MTF1: variants seen among roughly 807,000 people sequenced by gnomAD.
MTF1 encodes MRE-binding transcription factor.
Under a neutral mutation model 70.4 loss-of-function variants are expected in MTF1, and 22 were observed. That is an observed-to-expected ratio of 0.31 (90% CI 0.22 to 0.45). The LOEUF is 0.45. MTF1 is among the 20% of genes least tolerant of loss of function. MTF1 has a pLI of 1.00. For synonymous variants in MTF1, 333 were observed against 352.8 expected (o/e 0.94, Z 0.63); for missense variants, 649 against 922.0 (o/e 0.70, Z 3.83).
chr1:37,834,581 G>C, intron 6 of MTF1: 1 of 454,706 alleles, frequency 2.2e-6, no homozygotes, highest in Non-Finnish European at 4.4e-6. Context: ...ATGTAGGACA[G>C]TCTATTGTGG....
chr1:37,844,620 A>T (rs1641306505), intron 2 of MTF1, among the ~76,000 whole-genome samples: 2 of 152,256 alleles, frequency 1.3e-5, no homozygotes, highest in Admixed American at 1.3e-4. Flanking sequence ...AGGAGTCTGC[A>T]TGTATCAATC....
In MTF1 at chr1:37,810,966, G is replaced by C. The variant is rs1640720014; in HGVS notation, c.*4170C>G. 1 of 152,624 alleles carries C rather than the reference G, an allele frequency of 6.6e-6. No homozygotes were observed. The highest frequency in any genetic ancestry group is 1.5e-5 in the Non-Finnish European group (1 of 68,048). The allele number at this position is 152,624 out of a possible 1,614,324, so 9.5% of individuals were successfully genotyped here. A position where few individuals can be genotyped will look rare whatever the true frequency, so the allele number is the denominator to read the frequency against. ...CCCAAACATATTTCTGATTGGTGGTGTAAGACAATTGTAAACTCTTGAGAA... is the reference window on the plus strand; with the variant it reads ...CCCAAACATATTTCTGATTGGTGGTCTAAGACAATTGTAAACTCTTGAGAA... On this transcript the variant is annotated 3_prime_UTR_variant, in exon 11 of 11. Transcript: ENST00000373036.
intron 9 of MTF1, among the ~76,000 whole-genome samples, chr1:37,818,423 G>A (rs1640852984): frequency 6.6e-6 from 1 of 152,202 alleles, no homozygotes; most frequent in Admixed American, 6.5e-5. Flanking sequence ...TCTTAAAAAA[G>A]GCCAGGCGCA....
intron 7 of MTF1, among the ~76,000 whole-genome samples, chr1:37,827,562 C>T (rs997927346): frequency 6.6e-6 from 1 of 151,986 alleles, no homozygotes; most frequent in Non-Finnish European, 1.5e-5. Flanking sequence ...TGGGGTTTCA[C>T]CGTGTTAGCC....
chr1:37,853,408 TAA>T (rs1289191369), intron 2 of MTF1, among the ~76,000 whole-genome samples: 1 of 152,246 alleles, frequency 6.6e-6, no homozygotes, highest in Non-Finnish European at 1.5e-5. Context: ...CCTGTTTTTG[TAA>T]AGTCTTATCA....
chr1:37,811,946 C>T lies in MTF1; in HGVS notation c.*3190G>A, dbSNP rs1187091503. ...TTCCCTCAATGCCCAACCTACCTGC[C>T]TGGGAAGGGCCAAGTTCACTAAGGC... On this transcript the variant is annotated 3_prime_UTR_variant, in exon 11 of 11. Transcript: ENST00000373036. 2 of 152,732 alleles carry T rather than the reference C, an allele frequency of 1.3e-5. No individual in the cohort carries two copies. The highest frequency in any genetic ancestry group is 3.8e-4 in the East Asian group (2 of 5,204). 9.5% of individuals were successfully genotyped at this position (152,732 alleles called of 1,614,324 possible). A position where few individuals can be genotyped will look rare whatever the true frequency, so the allele number is the denominator to read the frequency against.
At chr1:37,829,779 T>G (rs1569859021) in intron 7 of MTF1, among the ~76,000 whole-genome samples, 1 of 150,454 alleles carries the variant, frequency 6.6e-6, no homozygotes, top group Admixed American at 6.6e-5. Flanking sequence ...AGCGAGACTC[T>G]GTCTCAAAAA....
intron 7 of MTF1, among the ~76,000 whole-genome samples, chr1:37,827,519 G>A (rs1294687104): frequency 3.3e-5 from 5 of 151,898 alleles, no homozygotes; most frequent in South Asian, 2.1e-4. Flanking sequence ...CATCATGCCC[G>A]GCTAATTTTG....
intron 9 of MTF1, among the ~76,000 whole-genome samples, chr1:37,818,018 G>C (rs557671997): frequency 1.2e-4 from 19 of 152,204 alleles, no homozygotes; most frequent in Non-Finnish European, 2.6e-4. Context: ...GCCACACTTG[G>C]ATTCAAGTCC....
At chr1:37,858,296 T>C (rs1418988735) in intron 1 of MTF1, among the ~76,000 whole-genome samples, 3 of 152,236 alleles carry the variant, frequency 2.0e-5, no homozygotes, top group Non-Finnish European at 4.4e-5. Context: ...GGCAGAGTCA[T>C]CTACCTACAA....
rs1394786923 is a variant in MTF1 at position 37,817,502 on chromosome 1, T to A, written c.1768-20A>T. On this transcript the variant is annotated intron_variant, in intron 9 of 10. Transcript: ENST00000373036. ...TTGCTGCTGAAAAAAGAAAAAGAAA[T>A]CTCATTTATAGCCACTGTAATATGG... The A allele has an allele frequency of 1.9e-6, 3 of 1,581,498 alleles. No homozygotes were observed. The highest frequency in any genetic ancestry group is 2.6e-6 in the Non-Finnish European group (3 of 1,150,634).
chr1:37,848,645 T>G (rs532295049), intron 2 of MTF1, among the ~76,000 whole-genome samples: 1 of 152,304 alleles, frequency 6.6e-6, no homozygotes, highest in East Asian at 1.9e-4. Flanking sequence ...TAGTCCCTTT[T>G]CCAGGCCAGT....
Position 37,847,970 on chromosome 1 carries a change from T to G in MTF1, c.409-7812A>C, listed in dbSNP as rs145515296. ...CAAAGTGAGACCCTGTCTCAAAAAA[T>G]TAAATGAATAAAACACAGTTATAAA... On this transcript the variant is annotated intron_variant, in intron 2 of 10. Coordinates refer to ENST00000373036, the MANE Select transcript of MTF1 (RefSeq NM_005955.3). 2.6e-5 allele frequency among the ~76,000 whole-genome samples: 4 copies of G among 152,192 alleles called. No individual in the cohort carries two copies. In the East Asian group the frequency reaches 7.7e-4, roughly 29 times the overall value.
intron 9 of MTF1, 90 bp from the exon 10 acceptor site, chr1:37,817,572 C>T: frequency 3.4e-6 from 3 of 874,632 alleles, no homozygotes; most frequent in Non-Finnish European, 5.7e-6. Flanking sequence ...AATGGTCATC[C>T]AAGAAGACAG....
rs1640760827 is a variant in MTF1, at chr1:37,813,069, T to A, written c.*2067A>T. ...ACTGAGGCGGGAGGATCACCTGACG[T>A]TGGGAGTTCGAGACCAGCCTGACCA... On this transcript the variant is annotated 3_prime_UTR_variant, in exon 11 of 11. Transcript: ENST00000373036. 1 of 152,184 alleles carries A rather than the reference T, an allele frequency of 6.6e-6. No homozygotes were observed. The highest frequency in any genetic ancestry group is 2.4e-5 in the African/African-American group (1 of 41,386). 9.4% of individuals were successfully genotyped at this position (152,184 alleles called of 1,614,324 possible).
rs751351674 is a variant in MTF1 at position 37,857,390 on chromosome 1, G to A, written c.269C>T (p.Ser90Phe). The A allele has an allele frequency of 6.2e-7, 1 of 1,614,172 alleles. No homozygotes were observed. Among genetic ancestry groups the A allele is most frequent in the South Asian group, 1.1e-5 (1 of 91,082 alleles). ...GFHLIDHEAMSQGYVQHIISP... is the reference protein window; with the variant it reads ...GFHLIDHEAMFQGYVQHIISP... ...GATAATGTGCTGCACATAACCCTGG[G>A]ACATTGCTTCATGATCTATCAGGTG... Residue 90 changes from serine (S) to phenylalanine (F), a missense_variant, in exon 2 of 11, where the codon TCC becomes TTC. By Grantham distance (155) the Ser-to-Phe change is radical. Transcript: ENST00000373036.
rs753770537 is a variant in MTF1, at chr1:37,840,141, A to G, written c.426T>C (p.Cys142=). 1 of 1,614,140 alleles carries G rather than the reference A, an allele frequency of 6.2e-7. No individual in the cohort carries two copies. Among genetic ancestry groups the G allele is most frequent in the South Asian group, 1.1e-5 (1 of 91,074 alleles). Residue 142 remains cysteine (C), a synonymous_variant, in exon 3 of 11, where the codon TGT becomes TGC. Coordinates refer to ENST00000373036, the MANE Select transcript of MTF1 (RefSeq NM_005955.3). The surrounding 1 kb of genome is among the most constrained non-coding windows in gnomAD (Gnocchi z 4.5). ...AGGTGCGGGGACAGCCCTCAAAGGT[A>G]CATTGGTACCGCTTTACCTGGCAGA... The part of the protein sequence containing the change: ...TKRKEVKRYQ[C]TFEGCPRTYS...
intron 8 of MTF1, among the ~76,000 whole-genome samples, chr1:37,823,216 G>C (rs1640945795): frequency 6.6e-6 from 1 of 151,906 alleles, no homozygotes; most frequent in Non-Finnish European, 1.5e-5. Flanking sequence ...CGGGTGGATT[G>C]CCTAAGCTCA....
chr1:37,856,459 A>AT (rs1281849624), intron 2 of MTF1, among the ~76,000 whole-genome samples: 1 of 138,178 alleles, frequency 7.2e-6, no homozygotes, highest in Non-Finnish European at 1.5e-5. Context: ...AAGTGTTAGG[A>AT]TTACAGGCAT....
Sources: allele counts gnomAD v4.1 joint callset (sites outside exome capture counted in the v4.1 genomes callset), GRCh38; gene constraint gnomAD v4.1.1; non-coding constraint Gnocchi (gnomAD v3.1); transcripts MANE v1.5; gene names NCBI Gene and HGNC (gene_info 2026-07-23, HGNC 2026-07-21).